ADGRL2: variants seen among roughly 807,000 people sequenced by gnomAD.
The protein encoded by ADGRL2 is adhesion G protein-coupled receptor L2, also known as calcium-independent alpha-latrotoxin receptor 2.
ADGRL2 carries 44 observed loss-of-function variants against 157.4 expected under a neutral mutation model. The observed-to-expected ratio is 0.28, with a 90% CI of 0.22 to 0.36. The LOEUF (loss-of-function observed/expected upper bound fraction) is 0.36. Ranked by LOEUF, ADGRL2 falls within the 10% of genes least tolerant of loss-of-function variation. The pLI, the probability that ADGRL2 is intolerant of heterozygous loss-of-function variation, is 1.00. For missense variants in ADGRL2, 1,510 were observed against 1,768.9 expected, an observed-to-expected ratio of 0.85 and a Z score of 2.63; for synonymous variants, 585 against 624.7, an observed-to-expected ratio of 0.94 and a Z score of 0.95.
In ADGRL2 at chr1:81,533,155, G is replaced by T. The variant is rs191773006; in HGVS notation, c.-247-47721G>T. 1.2e-4 allele frequency among the ~76,000 whole-genome samples: 19 copies of T among 152,218 alleles called. No individual in the cohort carries two copies. In the East Asian group the frequency reaches 3.5e-3, roughly 28 times the overall value. On this transcript the variant is annotated intron_variant, in intron 2 of 24. Transcript: ENST00000370721. ...GAACTTTGGGAGGCCGAGGGGGGTGGATCACCTGAGGTCAGGAGTTCAAGA... is the reference window on the plus strand; with the variant it reads ...GAACTTTGGGAGGCCGAGGGGGGTGTATCACCTGAGGTCAGGAGTTCAAGA...
At chr1:81,955,780 T>C (rs2149134663) in intron 10 of ADGRL2, 97 bp from the exon 11 acceptor site, 1 of 719,556 alleles carries the variant, frequency 1.4e-6, no homozygotes, top group Non-Finnish European at 2.3e-6. Flanking sequence ...TAAATCATCA[T>C]GACAGATAAA....
intron 2 of ADGRL2, among the ~76,000 whole-genome samples, chr1:81,897,103 A>G (rs2094404064): frequency 6.6e-6 from 1 of 152,182 alleles, no homozygotes; most frequent in Non-Finnish European, 1.5e-5. Context: ...GGAGGAAACA[A>G]AACAAATGAC....
At chr1:81,551,634 G>A (rs1253826414) in intron 2 of ADGRL2, among the ~76,000 whole-genome samples, 1 of 152,050 alleles carries the variant, frequency 6.6e-6, no homozygotes, top group East Asian at 1.9e-4. Context: ...TACATCATAA[G>A]TGTATAGTCT....
intron 1 of ADGRL2, among the ~76,000 whole-genome samples, chr1:81,319,753 G>C (rs1297530590): frequency 6.6e-6 from 1 of 152,174 alleles, no homozygotes; most frequent in African/African-American, 2.4e-5. Context: ...GGACCATATT[G>C]TCTTCTAAGC....
intron 1 of ADGRL2, among the ~76,000 whole-genome samples, chr1:81,425,958 C>G (rs2101581170): frequency 6.6e-6 from 1 of 152,080 alleles, no homozygotes; most frequent in East Asian, 1.9e-4. Context: ...CCTTGAACTC[C>G]TGGGCTCAGG....
At chr1:81,427,735 G>A (rs545324770) in intron 1 of ADGRL2, 1 of 377,036 alleles carries the variant, frequency 2.7e-6, no homozygotes, top group African/African-American at 2.1e-5. Context: ...CTGCCAGAGG[G>A]AACAATGATC....
chr1:81,390,220 T>C (rs74093538), intron 1 of ADGRL2, among the ~76,000 whole-genome samples: 2 of 151,252 alleles, frequency 1.3e-5, no homozygotes, highest in African/African-American at 2.4e-5. Context: ...TTTATGAGCA[T>C]GCGCAAAGAA....
chr1:81,400,528 G>A (rs751352618), intron 1 of ADGRL2, among the ~76,000 whole-genome samples: 2 of 152,116 alleles, frequency 1.3e-5, no homozygotes, highest in Non-Finnish European at 2.9e-5. Context: ...TTTGGGCCTG[G>A]GGAGTAGGGT....
intron 3 of ADGRL2, among the ~76,000 whole-genome samples, chr1:81,667,693 A>G (rs2082780287): frequency 6.6e-6 from 1 of 152,316 alleles, no homozygotes; most frequent in East Asian, 1.9e-4. Flanking sequence ...AGGCATAAAA[A>G]ATTAAAAGAA....
intron 1 of ADGRL2, among the ~76,000 whole-genome samples, chr1:81,349,328 A>G (rs1662703428): frequency 6.6e-6 from 1 of 152,114 alleles, no homozygotes; most frequent in Non-Finnish European, 1.5e-5. Flanking sequence ...CTTTGTTTAT[A>G]TGGTGTTCAG....
chr1:81,765,329 T>C (rs775975390), intron 2 of ADGRL2, among the ~76,000 whole-genome samples: 6 of 151,980 alleles, frequency 3.9e-5, no homozygotes, highest in Non-Finnish European at 7.4e-5. Flanking sequence ...TCATGACATT[T>C]TAGAAGAAAA....
chr1:81,930,852 C>G (rs1259807750), intron 3 of ADGRL2, among the ~76,000 whole-genome samples: 1 of 152,080 alleles, frequency 6.6e-6, no homozygotes, highest in Admixed American at 6.5e-5. Flanking sequence ...GTGTTTTGGG[C>G]CAGACACGGT....
At chr1:81,555,685 T>C (rs1381406243) in intron 2 of ADGRL2, among the ~76,000 whole-genome samples, 1 of 151,750 alleles carries the variant, frequency 6.6e-6, no homozygotes, top group Admixed American at 6.6e-5. Context: ...TTTGTGGAGG[T>C]TAAGTAGTCA....
At chr1:81,847,770 G>A (rs540465490) in intron 2 of ADGRL2, among the ~76,000 whole-genome samples, 2 of 151,884 alleles carry the variant, frequency 1.3e-5, no homozygotes, top group South Asian at 2.1e-4. Context: ...GTTTTTAACA[G>A]CATTTTAATA....
intron 1 of ADGRL2, among the ~76,000 whole-genome samples, chr1:81,754,834 A>G (rs1480929807): frequency 6.6e-6 from 1 of 151,672 alleles, no homozygotes; most frequent in Non-Finnish European, 1.5e-5. Context: ...TTCTTCATAT[A>G]TAAAATGGAG....
intron 2 of ADGRL2, among the ~76,000 whole-genome samples, chr1:81,537,977 G>A (rs1034407700): frequency 6.6e-6 from 1 of 152,156 alleles, no homozygotes; most frequent in Non-Finnish European, 1.5e-5. Context: ...TGGGATTACA[G>A]GTATGAGCCA....
intron 3 of ADGRL2, among the ~76,000 whole-genome samples, chr1:81,908,009 A>G (rs1039967858): frequency 6.6e-6 from 1 of 152,166 alleles, no homozygotes; most frequent in Non-Finnish European, 1.5e-5. Context: ...GCCATCATCA[A>G]GTCGTAGTGT....
At chr1:81,984,941 C>T (rs188350984) in intron 20 of ADGRL2, among the ~76,000 whole-genome samples, 1 of 152,142 alleles carries the variant, frequency 6.6e-6, no homozygotes, top group African/African-American at 2.4e-5. Flanking sequence ...TCATAATCGT[C>T]TTATAGCCTA....
intron 2 of ADGRL2, among the ~76,000 whole-genome samples, chr1:81,531,066 A>T (rs1488960565): frequency 6.7e-6 from 1 of 148,510 alleles, no homozygotes; most frequent in Non-Finnish European, 1.5e-5. Flanking sequence ...CCTGGGTAAC[A>T]GAGCAAGACT....
Sources: gnomAD v4.1 joint callset for allele counts (sites outside exome capture counted in the v4.1 genomes callset) on GRCh38, gnomAD v4.1.1 for gene constraint, MANE v1.5 for transcripts, NCBI Gene and HGNC (gene_info 2026-07-23, HGNC 2026-07-21) for gene names.